MSRA: variants seen among roughly 807,000 people sequenced by gnomAD.
MSRA encodes the protein methionine sulfoxide reductase A, also known as mitochondrial peptide methionine sulfoxide reductase.
Under a neutral mutation model 31.3 loss-of-function variants are expected in MSRA, and 54 were observed. That is an observed-to-expected ratio of 1.73 (90% CI 1.39 to 2.17). The LOEUF is 2.17. MSRA is among the 30% of genes most tolerant of loss of function. The pLI is 0.00. For missense variants in MSRA, 507 were observed against 300.9 expected, an observed-to-expected ratio of 1.69 and a Z score of -5.07; for synonymous variants, 169 against 116.5, an observed-to-expected ratio of 1.45 and a Z score of -2.90.
chr8:10,080,162 G>C (rs572373711), intron 1 of MSRA, among the ~76,000 whole-genome samples: 4 of 152,282 alleles, frequency 2.6e-5, no homozygotes, highest in Non-Finnish European at 5.9e-5. Flanking sequence ...AGGCCTAGCA[G>C]ACTGGTTGCT....
chr8:10,193,939 A>G (rs1003770280), intron 1 of MSRA, among the ~76,000 whole-genome samples: 7 of 152,204 alleles, frequency 4.6e-5, no homozygotes, highest in African/African-American at 1.7e-4. Flanking sequence ...AAACTTGATA[A>G]TTTAAGGGAA....
chr8:10,153,106 C>A (rs919376371), intron 1 of MSRA, among the ~76,000 whole-genome samples: 2 of 152,142 alleles, frequency 1.3e-5, no homozygotes, highest in African/African-American at 4.8e-5. Context: ...AATGTACTTA[C>A]CACTACTGAG....
intron 2 of MSRA, among the ~76,000 whole-genome samples, chr8:10,218,765 A>G (rs1258443916): frequency 6.6e-6 from 1 of 152,278 alleles, no homozygotes; most frequent in Non-Finnish European, 1.5e-5. Context: ...AACAAGGGAT[A>G]GAAACTGCCT....
At chr8:10,297,204 T>C (rs2129122267) in intron 3 of MSRA, among the ~76,000 whole-genome samples, 2 of 152,312 alleles carry the variant, frequency 1.3e-5, no homozygotes, top group South Asian at 4.1e-4. Flanking sequence ...TTGGATTGGA[T>C]GCTTCGTCTA....
intron 2 of MSRA, among the ~76,000 whole-genome samples, chr8:10,236,730 G>A (rs1217396082): frequency 6.6e-6 from 1 of 152,144 alleles, no homozygotes; most frequent in African/African-American, 2.4e-5. Flanking sequence ...TTTTTTAGTA[G>A]AGATGGGGTT....
intron 1 of MSRA, among the ~76,000 whole-genome samples, chr8:10,080,026 T>G (rs1798209318): frequency 6.6e-6 from 1 of 152,214 alleles, no homozygotes; most frequent in Non-Finnish European, 1.5e-5. Context: ...TAATCTCCTT[T>G]CCTCAGAAGC....
rs182775713 is a variant in MSRA, at chr8:10,196,814, C to T, written c.143-11019C>T. Among the ~76,000 whole-genome samples the T allele has an allele frequency of 1.4e-4, 22 of 152,056 alleles. No individual in the cohort carries two copies. In the East Asian group the frequency reaches 1.5e-3, roughly 11 times the overall value. On this transcript the variant is annotated intron_variant, in intron 1 of 5. Transcript: ENST00000317173. ...CTCGATCTCCTGACCTCAAGTAATC[C>T]GTCCACCTCGGCCTCCCAAAGTGCT...
intron 3 of MSRA, among the ~76,000 whole-genome samples, chr8:10,293,617 A>G (rs1457873369): frequency 6.6e-6 from 1 of 152,236 alleles, no homozygotes; most frequent in Non-Finnish European, 1.5e-5. Context: ...TCATCTGGAC[A>G]GCGAAGAAAG....
At chr8:10,242,176 C>A (rs1797364905) in intron 2 of MSRA, among the ~76,000 whole-genome samples, 1 of 151,366 alleles carries the variant, frequency 6.6e-6, no homozygotes, top group African/African-American at 2.4e-5. Flanking sequence ...GAGGGTGCGG[C>A]AGAAGAATTG....
At chr8:10,353,635 G>A (rs1320127958) in intron 5 of MSRA, 3 of 456,246 alleles carry the variant, frequency 6.6e-6, no homozygotes, top group East Asian at 1.4e-4. Context: ...CATGTTCACT[G>A]GAAGAAGAGA....
intron 5 of MSRA, among the ~76,000 whole-genome samples, chr8:10,418,264 T>C (rs1226930234): frequency 6.6e-6 from 1 of 152,160 alleles, no homozygotes; most frequent in Admixed American, 6.5e-5. Context: ...TCTGATGAGG[T>C]TTGAACTGCA....
At chr8:10,149,576 G>A (rs1803480823) in intron 1 of MSRA, among the ~76,000 whole-genome samples, 1 of 152,064 alleles carries the variant, frequency 6.6e-6, no homozygotes, top group South Asian at 2.1e-4. Context: ...AGAGAGAGAA[G>A]GGAAACATTG....
intron 3 of MSRA, among the ~76,000 whole-genome samples, chr8:10,263,726 G>A (rs1028064370): frequency 2.0e-5 from 3 of 152,198 alleles, no homozygotes; most frequent in African/African-American, 7.2e-5. Context: ...AATAGGGAAA[G>A]AGCTGAGTAG....
chr8:10,136,685 G>A (rs74617421), intron 1 of MSRA, among the ~76,000 whole-genome samples: 2,610 of 152,316 alleles, frequency 0.017, 41 homozygotes, highest in Middle Eastern at 0.051. Context: ...AGCTTCTGCA[G>A]TAGCATCATC....
At position 10,092,783 on chromosome 8, in the gene MSRA, G is replaced by A. The variant is rs1186970663; in HGVS notation, c.142+38125G>A. Among the ~76,000 whole-genome samples, 4 of 152,178 alleles carry A rather than the reference G, an allele frequency of 2.6e-5. 1 individual carries two copies. Among genetic ancestry groups the A allele is most frequent in the African/African-American group, 9.7e-5 (4 of 41,446 alleles). ...TTGTTCTCACAGTTGTGGAATGAAA[G>A]GTATTGAAGTTTCCAACTATCATTG... On this transcript the variant is annotated intron_variant, in intron 1 of 5. Transcript: ENST00000317173.
intron 1 of MSRA, among the ~76,000 whole-genome samples, chr8:10,083,249 G>C (rs1374588134): frequency 6.6e-6 from 1 of 152,144 alleles, no homozygotes; most frequent in African/African-American, 2.4e-5. Flanking sequence ...GTTTTAACAA[G>C]TTACTTTGAA....
At chr8:10,323,218 C>G (rs886741931) in intron 5 of MSRA, among the ~76,000 whole-genome samples, 5 of 152,114 alleles carry the variant, frequency 3.3e-5, no homozygotes, top group Non-Finnish European at 7.3e-5. Flanking sequence ...GGAACCAACC[C>G]CAACCAAGAA....
At chr8:10,115,376 C>T (rs183632438) in intron 1 of MSRA, among the ~76,000 whole-genome samples, 1 of 152,262 alleles carries the variant, frequency 6.6e-6, no homozygotes, top group East Asian at 1.9e-4. Context: ...CAGCCACAGC[C>T]AGGAACAGTA....
intron 5 of MSRA, among the ~76,000 whole-genome samples, chr8:10,350,258 G>A (rs1055969271): frequency 1.3e-5 from 2 of 152,176 alleles, no homozygotes; most frequent in Non-Finnish European, 2.9e-5. Flanking sequence ...GTCCATCCCC[G>A]CAGTTACTGC....
Sources: allele counts gnomAD v4.1 joint callset (sites outside exome capture counted in the v4.1 genomes callset), GRCh38; gene constraint gnomAD v4.1.1; transcripts MANE v1.5; gene names NCBI Gene and HGNC (gene_info 2026-07-23, HGNC 2026-07-21).